Variants in MYT1L observed in about 807,000 individuals in gnomAD.
MYT1L encodes the protein myelin transcription factor 1-like protein.
In MYT1L, 12 loss-of-function variants were observed where a neutral mutation model predicts 126.7. That is an observed-to-expected ratio of 0.09 (90% CI 0.06 to 0.15). The LOEUF is 0.15. Among genes scored for constraint, MYT1L ranks in the 10% least tolerant of loss-of-function variants. The pLI is 1.00. For synonymous variants in MYT1L, 541 were observed against 604.2 expected (o/e 0.90, Z 1.53); for missense variants, 979 against 1,585.2 (o/e 0.62, Z 6.49).
intron 2 of MYT1L, among the ~76,000 whole-genome samples, chr2:2,239,574 C>T (rs769134752): frequency 3.3e-5 from 5 of 152,198 alleles, no homozygotes; most frequent in African/African-American, 4.8e-5. Flanking sequence ...CAACGTCCTT[C>T]GGGGTTTACA....
At chr2:1,836,789 G>T (rs1300306974) in intron 21 of MYT1L, among the ~76,000 whole-genome samples, 1 of 147,380 alleles carries the variant, frequency 6.8e-6, no homozygotes, top group African/African-American at 2.5e-5. Flanking sequence ...TGCACCCCAA[G>T]ATCCCATCAG....
At chr2:1,839,111 A>C (rs1347744669) in intron 21 of MYT1L, 38 bp downstream of exon 21, 1 of 1,557,762 alleles carries the variant, frequency 6.4e-7, no homozygotes, top group East Asian at 2.3e-5. Flanking sequence ...TCTCGGCGGC[A>C]CCATCCCAGC....
chr2:2,218,330 G>A (rs2093753663), intron 2 of MYT1L, among the ~76,000 whole-genome samples: 1 of 152,166 alleles, frequency 6.6e-6, no homozygotes, highest in South Asian at 2.1e-4. Flanking sequence ...TCCATCAACA[G>A]TTGATTGATA....
At chr2:2,070,012 T>C (rs909865749) in intron 3 of MYT1L, among the ~76,000 whole-genome samples, 1 of 151,734 alleles carries the variant, frequency 6.6e-6, no homozygotes, top group Non-Finnish European at 1.5e-5. Context: ...TCATTAGTCA[T>C]TAGAGAAAGG....
rs556899828 is a variant in MYT1L at position 1,930,078 on chromosome 2, C to A, written c.506-6815G>T. 1.4e-3 allele frequency among the ~76,000 whole-genome samples: 213 copies of A among 152,300 alleles called. 1 individual carries two copies. The highest frequency in any genetic ancestry group is 4.9e-3 in the African/African-American group (203 of 41,556). On this transcript the variant is annotated intron_variant, in intron 9 of 24. Coordinates refer to ENST00000647738, the MANE Select transcript of MYT1L (RefSeq NM_001303052.2). ...AGCTGGAGAGACAAGGAGGCCCGCCCGAAGGCAGCTCCACTCAAGAAGAAC... is the reference window on the plus strand; with the variant it reads ...AGCTGGAGAGACAAGGAGGCCCGCCAGAAGGCAGCTCCACTCAAGAAGAAC...
chr2:2,004,037 G>A lies in MYT1L; in HGVS notation c.-157-6690C>T, dbSNP rs548659626. Among the ~76,000 whole-genome samples the A allele has an allele frequency of 7.5e-5, 11 of 146,098 alleles. No individual in the cohort carries two copies. In the South Asian group the frequency reaches 1.7e-3, roughly 23 times the overall value. ...TTCCTGCATGCCTTCTTTCCTGCATGCATTCTTTCCTGCATACTTTCCTGC... is the reference window on the plus strand; with the variant it reads ...TTCCTGCATGCCTTCTTTCCTGCATACATTCTTTCCTGCATACTTTCCTGC... On this transcript the variant is annotated intron_variant, in intron 4 of 24. Transcript: ENST00000647738.
At chr2:2,168,030 A>G (rs984964274) in intron 3 of MYT1L, among the ~76,000 whole-genome samples, 3 of 152,206 alleles carry the variant, frequency 2.0e-5, no homozygotes, top group Non-Finnish European at 4.4e-5. Flanking sequence ...CTTCATTTAG[A>G]TATGTGTTAA....
At chr2:2,108,698 G>A (rs1053524265) in intron 3 of MYT1L, among the ~76,000 whole-genome samples, 3 of 152,178 alleles carry the variant, frequency 2.0e-5, no homozygotes, top group African/African-American at 7.2e-5. Context: ...ATACATTCAG[G>A]ACATTTTTTT....
intron 2 of MYT1L, among the ~76,000 whole-genome samples, chr2:2,240,328 TG>T (rs1457093397): frequency 6.6e-6 from 1 of 151,986 alleles, no homozygotes; most frequent in Non-Finnish European, 1.5e-5. Flanking sequence ...AAATTTACTA[TG>T]TGACATATTT....
chr2:1,967,424 C>G (rs532343625), intron 8 of MYT1L, among the ~76,000 whole-genome samples: 1 of 152,220 alleles, frequency 6.6e-6, no homozygotes, highest in East Asian at 1.9e-4. Context: ...CTCTGGGAGA[C>G]GGCCCGGGGT....
chr2:2,302,706 G>C (rs2095802564), intron 1 of MYT1L, among the ~76,000 whole-genome samples: 2 of 152,192 alleles, frequency 1.3e-5, no homozygotes, highest in African/African-American at 4.8e-5. Context: ...GTAACTCTTA[G>C]AGAATTTAAA....
At position 1,817,578 on chromosome 2, in the gene MYT1L, C is replaced by A. The variant is rs1308514426; in HGVS notation, c.3081-8411G>T. ...CCAAACGCGGCTGTGTCGGTGCTGC[C>A]AATTCCAATCCGGTGACTGCACTGC... On this transcript the variant is annotated intron_variant, in intron 21 of 24. Transcript: ENST00000647738. Among the ~76,000 whole-genome samples, 3 of 152,238 alleles carry A rather than the reference C, an allele frequency of 2.0e-5. No homozygotes were observed. The East Asian group carries it at 5.8e-4, about 29-fold the overall frequency.
intron 8 of MYT1L, among the ~76,000 whole-genome samples, chr2:1,975,516 G>A (rs1287798899): frequency 4.6e-5 from 7 of 152,196 alleles, no homozygotes; most frequent in Non-Finnish European, 7.3e-5. Flanking sequence ...ATCACTTGAA[G>A]TTAGGAGTTC....
chr2:2,044,994 T>TGTGA (rs1161977389), intron 4 of MYT1L, among the ~76,000 whole-genome samples: 2 of 152,138 alleles, frequency 1.3e-5, no homozygotes, highest in Non-Finnish European at 2.9e-5. Context: ...TGTTTAAACA[T>TGTGA]GTGAGTTCAG....
At chr2:2,192,357 G>A (rs1005794067) in intron 2 of MYT1L, among the ~76,000 whole-genome samples, 2 of 152,090 alleles carry the variant, frequency 1.3e-5, no homozygotes, top group South Asian at 2.1e-4. Context: ...ACTCAAATGC[G>A]CAGCTACAGC....
At chr2:2,065,383 C>A (rs1421011123) in intron 3 of MYT1L, among the ~76,000 whole-genome samples, 1 of 152,048 alleles carries the variant, frequency 6.6e-6, no homozygotes, top group Non-Finnish European at 1.5e-5. Flanking sequence ...AATATAAAAA[C>A]CTTGACAGCA....
intron 4 of MYT1L, among the ~76,000 whole-genome samples, chr2:2,018,984 A>C (rs1020243417): frequency 2.0e-5 from 3 of 152,126 alleles, no homozygotes; most frequent in African/African-American, 7.2e-5. Context: ...TTGGGTAAGA[A>C]ATATCTTCCC....
chr2:2,038,734 G>T (rs974016943), intron 4 of MYT1L, among the ~76,000 whole-genome samples: 1 of 152,032 alleles, frequency 6.6e-6, no homozygotes, highest in South Asian at 2.1e-4. Context: ...ATGTGGAAAG[G>T]TCACAGGTGG....
chr2:2,312,862 G>C (rs1012725543), intron 1 of MYT1L, among the ~76,000 whole-genome samples: 3 of 152,006 alleles, frequency 2.0e-5, no homozygotes, highest in African/African-American at 4.8e-5. Flanking sequence ...AGAAAGGGGG[G>C]TTCTGGCCAG....
Sources: allele counts gnomAD v4.1 joint callset (sites outside exome capture counted in the v4.1 genomes callset), GRCh38; gene constraint gnomAD v4.1.1; transcripts MANE v1.5; gene names NCBI Gene and HGNC (gene_info 2026-07-23, HGNC 2026-07-21).